CACNA1D: variants seen among roughly 807,000 people sequenced by gnomAD.
The protein encoded by CACNA1D is voltage-dependent L-type calcium channel subunit alpha-1D.
A neutral mutation model predicts 257.1 loss-of-function variants in CACNA1D; 55 were observed. The ratio of observed to expected loss-of-function variants is 0.21; its 90% CI spans 0.17 to 0.27. The LOEUF is 0.27. CACNA1D is among the 10% of genes least tolerant of loss of function. The pLI, the probability that CACNA1D is intolerant of heterozygous loss-of-function variation, is 1.00. For missense variants in CACNA1D, 1,876 were observed against 2,784.0 expected (o/e 0.67, Z 7.34); for synonymous variants, 980 against 1,014.9 (o/e 0.97, Z 0.65).
At chr3:53,791,449 T>C (rs1209806196) in intron 40 of CACNA1D, 1 of 158,784 alleles carries the variant, frequency 6.3e-6, no homozygotes, top group African/African-American at 2.4e-5. Context: ...CAGACCTGCC[T>C]AAGGTGGGTA....
rs189269427 is a variant in CACNA1D, at chr3:53,812,181, A to G, written c.*775A>G. The stretch of plus-strand genomic sequence containing the variant: ...TACTGTACATGACTTGTAATATACT[A>G]TAATTTGTATTTGTAAAGAGATGGT... On this transcript the variant is annotated 3_prime_UTR_variant, in exon 48 of 48. Transcript: ENST00000350061. The G allele has an allele frequency of 2.0e-5, 3 of 152,358 alleles. No homozygotes were observed. The highest frequency in any genetic ancestry group is 2.0e-4 in the Admixed American group (3 of 15,304). 9.4% of individuals were successfully genotyped at this position (152,358 alleles called of 1,614,324 possible). A position where few individuals can be genotyped will look rare whatever the true frequency, so the allele number is the denominator to read the frequency against.
At chr3:53,668,460 A>G (rs560473977) in intron 7 of CACNA1D, among the ~76,000 whole-genome samples, 13 of 152,330 alleles carry the variant, frequency 8.5e-5, no homozygotes, top group African/African-American at 3.1e-4. Context: ...TCACGTGGTT[A>G]ATACTTTGAC....
rs1228530672 is a variant in CACNA1D, at chr3:53,812,571, T to TTGAC, written c.*1167_*1170dup. 7.0e-6 allele frequency: 1 copy of TTGAC among 142,940 alleles called. No homozygotes were observed. Among genetic ancestry groups the TTGAC allele is most frequent in the African/African-American group, 2.5e-5 (1 of 39,428 alleles). 8.9% of individuals were successfully genotyped at this position (142,940 alleles called of 1,614,324 possible). ...TGCAACTGTCTTTGGTTTTGTTTGT[T>TTGAC]TGACTTGAACCACCCTCTGGTAAGT... On this transcript the variant is annotated 3_prime_UTR_variant, in exon 48 of 48. Coordinates refer to ENST00000350061, the MANE Select transcript of CACNA1D (RefSeq NM_001128840.3).
intron 8 of CACNA1D, among the ~76,000 whole-genome samples, chr3:53,689,242 G>A (rs184928422): frequency 9.9e-5 from 15 of 152,198 alleles, no homozygotes; most frequent in Middle Eastern, 6.8e-3. Flanking sequence ...CCTGCCTGTC[G>A]GAACCAGTGA....
At chr3:53,795,813 T>C (rs2095505113) in intron 40 of CACNA1D, among the ~76,000 whole-genome samples, 1 of 152,236 alleles carries the variant, frequency 6.6e-6, no homozygotes, top group Non-Finnish European at 1.5e-5. Context: ...GGTCATATTT[T>C]AGATAATTTC....
At chr3:53,667,110 T>A (rs6804675) in intron 7 of CACNA1D, among the ~76,000 whole-genome samples, 33,645 of 152,132 alleles carry the variant, frequency 0.22, 4,113 homozygotes, top group African/African-American at 0.33. Flanking sequence ...CTTAGCTGTC[T>A]TCCTTTCTAT....
intron 3 of CACNA1D, among the ~76,000 whole-genome samples, chr3:53,624,291 G>A (rs190362528): frequency 1.8e-4 from 27 of 152,276 alleles, no homozygotes; most frequent in Admixed American, 1.5e-3. Context: ...TTTCATTTTT[G>A]TTTGCAGTGA....
At chr3:53,557,778 A>C (rs540397751) in intron 3 of CACNA1D, among the ~76,000 whole-genome samples, 1 of 152,318 alleles carries the variant, frequency 6.6e-6, no homozygotes, top group Non-Finnish European at 1.5e-5. Context: ...ATTGTAAGTC[A>C]TAAAGCGGGG....
At chr3:53,772,591 G>A (rs573324961) in intron 32 of CACNA1D, among the ~76,000 whole-genome samples, 5 of 152,360 alleles carry the variant, frequency 3.3e-5, no homozygotes, top group South Asian at 2.1e-4. Context: ...GTTAATGACC[G>A]TGGAAAGCAC....
At chr3:53,568,401 G>A (rs1239613739) in intron 3 of CACNA1D, among the ~76,000 whole-genome samples, 1 of 152,126 alleles carries the variant, frequency 6.6e-6, no homozygotes. Flanking sequence ...GCACCTTCCA[G>A]CCTCACTCTC....
At chr3:53,714,401 G>A (rs2094796736) in intron 9 of CACNA1D, among the ~76,000 whole-genome samples, 2 of 152,350 alleles carry the variant, frequency 1.3e-5, no homozygotes, top group South Asian at 2.1e-4. Context: ...AGAAGCCCAT[G>A]TATTCGGGTA....
At chr3:53,585,436 AAAT>A (rs1449403227) in intron 3 of CACNA1D, among the ~76,000 whole-genome samples, 1 of 152,174 alleles carries the variant, frequency 6.6e-6, no homozygotes, top group Non-Finnish European at 1.5e-5. Context: ...TTTGACCAAA[AAAT>A]AAAATAACCA....
intron 3 of CACNA1D, among the ~76,000 whole-genome samples, chr3:53,551,306 A>G (rs1278601054): frequency 6.6e-6 from 1 of 152,180 alleles, no homozygotes; most frequent in Non-Finnish European, 1.5e-5. Flanking sequence ...TGGGGTTGGC[A>G]GGTTTAAGGT....
intron 3 of CACNA1D, among the ~76,000 whole-genome samples, chr3:53,514,650 A>C (rs2107277343): frequency 6.6e-6 from 1 of 152,304 alleles, no homozygotes; most frequent in South Asian, 2.1e-4. Context: ...GATGGGCTTC[A>C]GCCTCACAGC....
chr3:53,722,914 A>G (rs2094896500), intron 12 of CACNA1D, among the ~76,000 whole-genome samples: 1 of 152,082 alleles, frequency 6.6e-6, no homozygotes, highest in East Asian at 1.9e-4. Flanking sequence ...GAGCCTTTGA[A>G]AAGTCCTTCC....
At chr3:53,712,550 G>A (rs925043712) in intron 9 of CACNA1D, among the ~76,000 whole-genome samples, 1 of 152,142 alleles carries the variant, frequency 6.6e-6, no homozygotes, top group African/African-American at 2.4e-5. Flanking sequence ...GCCTTTAGGG[G>A]GTGTGTGGGC....
intron 3 of CACNA1D, among the ~76,000 whole-genome samples, chr3:53,617,895 G>C (rs2093654601): frequency 6.6e-6 from 1 of 152,176 alleles, no homozygotes; most frequent in Non-Finnish European, 1.5e-5. Flanking sequence ...CAGAAGCCCT[G>C]TAAGGAGAGT....
At chr3:53,662,347 G>A (rs559475066) in intron 5 of CACNA1D, among the ~76,000 whole-genome samples, 27 of 152,054 alleles carry the variant, frequency 1.8e-4, no homozygotes, top group Non-Finnish European at 3.5e-4. Context: ...TGGAGACCAG[G>A]CCTTCTGACC....
chr3:53,712,971 G>A (rs1424406158), intron 9 of CACNA1D, among the ~76,000 whole-genome samples: 4 of 152,136 alleles, frequency 2.6e-5, no homozygotes, highest in African/African-American at 4.8e-5. Flanking sequence ...CTCCTGTGAC[G>A]CCCTGAGGCC....
Sources: allele counts gnomAD v4.1 joint callset (sites outside exome capture counted in the v4.1 genomes callset), GRCh38; gene constraint gnomAD v4.1.1; transcripts MANE v1.5; gene names NCBI Gene and HGNC (gene_info 2026-07-23, HGNC 2026-07-21).